The following TNRC6B variants were observed in gnomAD, a reference collection of about 807,000 sequenced individuals.
The protein encoded by TNRC6B is trinucleotide repeat containing adaptor 6B, also known as trinucleotide repeat-containing gene 6B protein.
In TNRC6B, 52 loss-of-function variants were observed where a neutral mutation model predicts 203.6. The observed-to-expected ratio is 0.26, with a 90% CI of 0.20 to 0.32. The LOEUF is 0.32. Ranked by LOEUF, TNRC6B falls within the 10% of genes least tolerant of loss-of-function variation. The probability of loss-of-function intolerance (pLI) is 1.00; values close to 1 mark genes in which losing one functional copy is unlikely to be tolerated. For synonymous variants in TNRC6B, 838 were observed against 845.7 expected (o/e 0.99, Z 0.16); for missense variants, 1,923 against 2,286.2 (o/e 0.84, Z 3.24).
At chr22:40,304,099 A>G (rs1569062260) in intron 15 of TNRC6B, among the ~76,000 whole-genome samples, 2 of 152,248 alleles carry the variant, frequency 1.3e-5, no homozygotes, top group Non-Finnish European at 2.9e-5. Flanking sequence ...TGAAATGAAC[A>G]GTCTTTCAGT....
intron 3 of TNRC6B, among the ~76,000 whole-genome samples, chr22:40,252,453 A>T (rs1335425962): frequency 6.6e-6 from 1 of 152,198 alleles, no homozygotes; most frequent in Non-Finnish European, 1.5e-5. Context: ...TTGTTGGACT[A>T]CCAGACCAAA....
chr22:40,215,608 G>T (rs1231125802), intron 1 of TNRC6B, among the ~76,000 whole-genome samples: 1 of 152,148 alleles, frequency 6.6e-6, no homozygotes, highest in East Asian at 1.9e-4. Context: ...ATCCTCAGGG[G>T]TGTTGACACT....
intron 3 of TNRC6B, among the ~76,000 whole-genome samples, chr22:40,127,289 G>A (rs1417304228): frequency 6.6e-6 from 1 of 152,146 alleles, no homozygotes. Flanking sequence ...CTTGGGTGGA[G>A]GGACAGATGT....
chr22:40,256,609 T>C (rs2070282634), intron 3 of TNRC6B, among the ~76,000 whole-genome samples: 1 of 152,242 alleles, frequency 6.6e-6, no homozygotes, highest in Non-Finnish European at 1.5e-5. Flanking sequence ...ACAGCCACAC[T>C]CATATGTTTA....
chr22:40,207,981 G>T (rs2069504972), intron 1 of TNRC6B, among the ~76,000 whole-genome samples: 1 of 151,812 alleles, frequency 6.6e-6, no homozygotes, highest in Non-Finnish European at 1.5e-5. Context: ...GGGCATGGTG[G>T]CGGGCGCCTG....
rs113603574 is a variant in TNRC6B, at chr22:40,251,830, T to TTA, written c.115+630_115+631insTA. On this transcript the variant is annotated intron_variant, in intron 3 of 22. Transcript: ENST00000454349. ...CAGCTTTTAATTTACAGATGGGAATTACAGCAGTTTGTCCACCACCTTGAC... is the reference window on the plus strand; with the variant it reads ...CAGCTTTTAATTTACAGATGGGAATTTAACAGCAGTTTGTCCACCACCTTGAC... 2.0e-4 allele frequency among the ~76,000 whole-genome samples: 30 copies of TTA among 152,358 alleles called. 1 individual carries two copies. Among genetic ancestry groups the TTA allele is most frequent in the African/African-American group, 7.2e-4 (30 of 41,584 alleles).
intron 1 of TNRC6B, among the ~76,000 whole-genome samples, chr22:40,084,664 C>T (rs2068087822): frequency 6.6e-6 from 1 of 152,104 alleles, no homozygotes; most frequent in South Asian, 2.1e-4. Context: ...TTAATCCAGT[C>T]TGAGGGAGCA....
At chr22:40,242,804 C>T (rs183607549) in intron 1 of TNRC6B, among the ~76,000 whole-genome samples, 66 of 152,178 alleles carry the variant, frequency 4.3e-4, no homozygotes, top group Admixed American at 2.4e-3. Flanking sequence ...CCCCCATGGA[C>T]GCCTTCTCCA....
chr22:40,268,198 G>A (rs1468581186), intron 5 of TNRC6B, among the ~76,000 whole-genome samples: 3 of 152,238 alleles, frequency 2.0e-5, no homozygotes, highest in East Asian at 3.9e-4. Flanking sequence ...TGATTCTCTT[G>A]CCTCAGCCTC....
intron 2 of TNRC6B, among the ~76,000 whole-genome samples, chr22:40,250,349 G>GC (rs1247263734): frequency 2.0e-5 from 3 of 152,038 alleles, no homozygotes; most frequent in African/African-American, 7.2e-5. Flanking sequence ...TTTCTGTAAG[G>GC]CTCCTAATCA....
At chr22:40,242,212 A>G (rs1280926455) in intron 1 of TNRC6B, among the ~76,000 whole-genome samples, 1 of 130,440 alleles carries the variant, frequency 7.7e-6, no homozygotes. Context: ...GTGTGTGTGC[A>G]TGCGCACGTG....
At chr22:40,139,707 A>G (rs2068629452) in intron 3 of TNRC6B, among the ~76,000 whole-genome samples, 2 of 152,184 alleles carry the variant, frequency 1.3e-5, no homozygotes, top group African/African-American at 2.4e-5. Context: ...GAACATTAAT[A>G]ATATTATGAA....
Position 40,331,722 on chromosome 22 carries a change from T to C in TNRC6B, c.*8481T>C, listed in dbSNP as rs1057266315. On this transcript the variant is annotated 3_prime_UTR_variant, in exon 23 of 23. Coordinates refer to ENST00000454349, the MANE Select transcript of TNRC6B (RefSeq NM_001162501.2). ...ATCGTCGCTTCTTTATGTTGTAAGG[T>C]GAATTGTAACTATGCATTCTGCAAA... 1.3e-5 allele frequency: 3 copies of C among 227,376 alleles called. No homozygotes were observed. In the East Asian group the frequency reaches 2.2e-4, roughly 16 times the overall value. The allele number at this position is 227,376 out of a possible 1,614,324, so 14.1% of individuals were successfully genotyped here.
intron 1 of TNRC6B, among the ~76,000 whole-genome samples, chr22:40,234,245 C>A (rs533692947): frequency 6.6e-6 from 1 of 152,292 alleles, no homozygotes; most frequent in South Asian, 2.1e-4. Context: ...ATGATCACAC[C>A]ATTGCATTCC....
intron 4 of TNRC6B, among the ~76,000 whole-genome samples, chr22:40,171,344 G>T (rs1252385254): frequency 1.3e-5 from 2 of 151,638 alleles, no homozygotes; most frequent in Non-Finnish European, 2.9e-5. Context: ...TGTATTCTTA[G>T]TAGAGATGGG....
At chr22:40,187,628 C>T (rs976606443) in intron 1 of TNRC6B, among the ~76,000 whole-genome samples, 3 of 152,122 alleles carry the variant, frequency 2.0e-5, no homozygotes, top group Non-Finnish European at 4.4e-5. Flanking sequence ...TGCTTTAAGT[C>T]AGTGTCCCAG....
chr22:40,314,964 T>C (rs1403965241), intron 19 of TNRC6B, among the ~76,000 whole-genome samples: 1 of 152,220 alleles, frequency 6.6e-6, no homozygotes, highest in African/African-American at 2.4e-5. Context: ...CTGGTATCTT[T>C]AGGAAGACTT....
intron 3 of TNRC6B, among the ~76,000 whole-genome samples, chr22:40,251,935 T>C (rs1385297023): frequency 1.3e-5 from 2 of 152,218 alleles, no homozygotes; most frequent in Admixed American, 6.5e-5. Context: ...ACTTAGAATA[T>C]GCTTTTTTAA....
chr22:40,070,030 A>G (rs903616740), intron 1 of TNRC6B, among the ~76,000 whole-genome samples: 3 of 152,148 alleles, frequency 2.0e-5, no homozygotes, highest in African/African-American at 7.2e-5. Context: ...TAAAGTGTTC[A>G]TTCTGTGCCT....
Sources: allele counts gnomAD v4.1 joint callset (sites outside exome capture counted in the v4.1 genomes callset), GRCh38; gene constraint gnomAD v4.1.1; transcripts MANE v1.5; gene names NCBI Gene and HGNC (gene_info 2026-07-23, HGNC 2026-07-21).